Variants in DUSP28 observed in about 807,000 individuals in gnomAD.
DUSP28 encodes dual specificity phosphatase 28.
In DUSP28, 11 loss-of-function variants were observed where a neutral mutation model predicts 8.4. The observed-to-expected ratio is 1.31, with a 90% confidence interval of 0.83 to 2.17. The LOEUF (loss-of-function observed/expected upper bound fraction) is 2.17. DUSP28 is among the 30% of genes most tolerant of loss of function. The pLI, the probability that DUSP28 is intolerant of heterozygous loss-of-function variation, is 0.00. For synonymous variants in DUSP28, 178 were observed against 130.9 expected, an observed-to-expected ratio of 1.36 and a Z score of -2.46; for missense variants, 373 against 270.4, an observed-to-expected ratio of 1.38 and a Z score of -2.66.
rs2092996999 is a variant in DUSP28, at chr2:240,564,733, G to A, written c.*3266G>A. Among the ~76,000 whole-genome samples, 1 of 152,214 alleles carries A rather than the reference G, an allele frequency of 6.6e-6. No homozygotes were observed. The highest frequency in any genetic ancestry group is 2.1e-4 in the South Asian group (1 of 4,836). ...CAGCAGAGCCTCCTGCCCACCAGCT[G>A]CTGAAGCCACAGTACATCTCCTTCC... is the stretch of plus-strand genomic sequence containing the variant. On this transcript the variant is annotated 3_prime_UTR_variant, in exon 2 of 2. Transcript: ENST00000405954.
In DUSP28 at chr2:240,565,076, A is replaced by T. The variant is rs1054445556; in HGVS notation, c.*3609A>T. 7.2e-5 allele frequency among the ~76,000 whole-genome samples: 11 copies of T among 152,342 alleles called. No individual in the cohort carries two copies. Among genetic ancestry groups the T allele is most frequent in the Non-Finnish European group, 1.5e-4 (10 of 68,032 alleles). On this transcript the variant is annotated 3_prime_UTR_variant, in exon 2 of 2. Transcript: ENST00000405954. Reference sequence around the variant, plus strand: ...CTAGTTCAGACACCACCTCTCCTGGACATCCTGTGGCCTAAAGACTATCCT... The same window carrying T: ...CTAGTTCAGACACCACCTCTCCTGGTCATCCTGTGGCCTAAAGACTATCCT...
chr2:240,561,347 C>T lies in DUSP28; in HGVS notation c.411C>T (p.Arg137=), dbSNP rs373547730. The T allele has an allele frequency of 3.1e-6, 5 of 1,613,854 alleles. No individual in the cohort carries two copies. Among genetic ancestry groups the T allele is most frequent in the Non-Finnish European group, 4.2e-6 (5 of 1,180,022 alleles). ...GTTTGCAGATGGTGAAGAGCGCTCG[C>T]CCGGTAGCAGAACCGAACCCGGGCT... The part of the protein sequence containing the change: ...AKAFQMVKSA[R]PVAEPNPGFW... Residue 137 remains arginine (R), a synonymous_variant, in exon 2 of 2, where the codon CGC becomes CGT. Transcript: ENST00000405954.
At position 240,560,726 on chromosome 2, in the gene DUSP28, C is replaced by T. The variant is rs747476568; in HGVS notation, c.42C>T (p.Pro14=). ...AEAGRRGAAS[P]VPPPLVRVAP... ...CTGGGCGCCGCGGGGCCGCCTCGCCCGTACCTCCACCGTTGGTGCGCGTCG... is the reference window on the plus strand; with the variant it reads ...CTGGGCGCCGCGGGGCCGCCTCGCCTGTACCTCCACCGTTGGTGCGCGTCG... The change falls in exon 1 of 2, where the codon CCC becomes CCT. Residue 14 remains proline, a synonymous_variant. Transcript: ENST00000405954. 3.0e-5 allele frequency: 46 copies of T among 1,522,812 alleles called. No homozygotes were observed. The Admixed American group carries it at 3.4e-4, about 11-fold the overall frequency. The allele number at this position is 1,522,812 out of a possible 1,614,324, so 94.3% of individuals were successfully genotyped here.
intron 1 of DUSP28, 47 bp from the exon 2 acceptor site, chr2:240,561,282 TG>T (rs747761128): frequency 4.1e-5 from 66 of 1,612,422 alleles, no homozygotes; most frequent in Admixed American, 5.0e-5. Flanking sequence ...TGGCCCCTGC[TG>T]GCCATTAGCG....
chr2:240,563,835 G>A lies in DUSP28; in HGVS notation c.*2368G>A, dbSNP rs1247892623. The A allele has an allele frequency of 6.6e-6, 1 of 152,384 alleles. No individual in the cohort carries two copies. Among genetic ancestry groups the A allele is most frequent in the Non-Finnish European group, 1.5e-5 (1 of 68,044 alleles). 9.4% of individuals were successfully genotyped at this position (152,384 alleles called of 1,614,324 possible). A position where few individuals can be genotyped will look rare whatever the true frequency, so the allele number is the denominator to read the frequency against. ...CTCTTTCCACTTAAACGTGTCCCAT[G>A]AATCTTGTCATAACAGTTTTGTGTT... is the stretch of plus-strand genomic sequence containing the variant. On this transcript the variant is annotated 3_prime_UTR_variant, in exon 2 of 2. Coordinates refer to ENST00000405954, the MANE Select transcript of DUSP28 (RefSeq NM_001370465.2).
rs778765341 is a variant in DUSP28, at chr2:240,561,379, C to G, written c.443C>G (p.Ser148Cys). The G allele has an allele frequency of 3.7e-6, 6 of 1,613,838 alleles. No individual in the cohort carries two copies. Among genetic ancestry groups the G allele is most frequent in the Middle Eastern group, 1.7e-4 (1 of 6,042 alleles). Residue 148 changes from serine to cysteine, a missense_variant, in exon 2 of 2, where the codon TCT (serine) becomes TGT (cysteine). Ser to Cys is a moderately radical substitution (Grantham distance 112). Coordinates refer to ENST00000405954, the MANE Select transcript of DUSP28 (RefSeq NM_001370465.2). The stretch of plus-strand genomic sequence containing the variant: ...GCAGAACCGAACCCGGGCTTCTGGT[C>G]TCAGCTCCAGAAGTATGAGGAGGCC... ...PVAEPNPGFW[S>C]QLQKYEEALQ...
intron 1 of DUSP28, 121 bp downstream of exon 1, chr2:240,561,198 G>T (rs2092945561): frequency 6.6e-7 from 1 of 1,516,372 alleles, no homozygotes. Context: ...GGTCTCTCTC[G>T]TGAGGGCGGG....
Position 240,561,058 on chromosome 2 carries a change from G to A in DUSP28, c.374G>A (p.Ser125Asn), listed in dbSNP as rs889680518. 5 of 1,497,902 alleles carry A rather than the reference G, an allele frequency of 3.3e-6. No individual in the cohort carries two copies. The highest frequency in any genetic ancestry group is 2.4e-5 in the Admixed American group (1 of 42,198). The allele number at this position is 1,497,902 out of a possible 1,614,324, so 92.8% of individuals were successfully genotyped here. A position where few individuals can be genotyped will look rare whatever the true frequency, so the allele number is the denominator to read the frequency against. ...TACCTCATGCGGCACCGCGGCCTCAGCCTGGCGAAGGCCTTCCAGGTGGGC... is the reference window on the plus strand; with the variant it reads ...TACCTCATGCGGCACCGCGGCCTCAACCTGGCGAAGGCCTTCCAGGTGGGC... Reference protein sequence around the residue: ...TAYLMRHRGLSLAKAFQMVKS... With the variant: ...TAYLMRHRGLNLAKAFQMVKS... The change falls in exon 1 of 2, where the codon AGC becomes AAC. Residue 125 changes from serine to asparagine, a missense_variant. Coordinates refer to ENST00000405954, the MANE Select transcript of DUSP28 (RefSeq NM_001370465.2).
At chr2:240,561,156 C>T (rs1036393246) in intron 1 of DUSP28, 79 bp downstream of exon 1, 2 of 1,463,898 alleles carry the variant, frequency 1.4e-6, no homozygotes, top group Non-Finnish European at 9.0e-7. Flanking sequence ...GGGCCGGCTT[C>T]GGGATTGGGA....
Position 240,561,025 on chromosome 2 carries a change from G to A in DUSP28, c.341G>A (p.Cys114Tyr), listed in dbSNP as rs757425889. 10 of 1,536,506 alleles carry A rather than the reference G, an allele frequency of 6.5e-6. No homozygotes were observed. In the East Asian group the frequency reaches 1.4e-4, roughly 22 times the overall value. ...KNGRSRSAAV[C>Y]TAYLMRHRGL... Reference sequence around the variant, plus strand: ...GGCCGCAGCCGCTCGGCCGCCGTCTGCACCGCGTACCTCATGCGGCACCGC... The same window carrying A: ...GGCCGCAGCCGCTCGGCCGCCGTCTACACCGCGTACCTCATGCGGCACCGC... Residue 114 changes from cysteine to tyrosine, a missense_variant, in exon 1 of 2, where the codon TGC (cysteine) becomes TAC (tyrosine). Coordinates refer to ENST00000405954, the MANE Select transcript of DUSP28 (RefSeq NM_001370465.2).
Position 240,561,520 on chromosome 2 carries a change from G to C in DUSP28, c.*53G>C. ...GGATGTCCCTGCACTGATACAGAAG[G>C]CTGGTCTTTACCCTTCTTCCTCACT... On this transcript the variant is annotated 3_prime_UTR_variant, in exon 2 of 2. Coordinates refer to ENST00000405954, the MANE Select transcript of DUSP28 (RefSeq NM_001370465.2). 6.4e-7 allele frequency: 1 copy of C among 1,562,884 alleles called. No homozygotes were observed. The highest frequency in any genetic ancestry group is 2.3e-5 in the East Asian group (1 of 43,904).
chr2:240,561,051 G>T lies in DUSP28; in HGVS notation c.367G>T (p.Gly123Cys). Residue 123 changes from glycine (G) to cysteine (C), a missense_variant, in exon 1 of 2, where the codon GGC becomes TGC. By Grantham distance (159) the Gly-to-Cys change is radical. Coordinates refer to ENST00000405954, the MANE Select transcript of DUSP28 (RefSeq NM_001370465.2). ...CACCGCGTACCTCATGCGGCACCGC[G>T]GCCTCAGCCTGGCGAAGGCCTTCCA... Reference protein sequence around the residue: ...VCTAYLMRHRGLSLAKAFQMV... With the variant: ...VCTAYLMRHRCLSLAKAFQMV... The T allele has an allele frequency of 6.6e-7, 1 of 1,504,484 alleles. No individual in the cohort carries two copies. Among genetic ancestry groups the T allele is most frequent in the South Asian group, 1.3e-5 (1 of 79,204 alleles). 93.2% of individuals were successfully genotyped at this position (1,504,484 alleles called of 1,614,324 possible). A position where few individuals can be genotyped will look rare whatever the true frequency, so the allele number is the denominator to read the frequency against.
Position 240,560,635 on chromosome 2 carries a change from C to A in DUSP28, c.-50C>A. 1 of 1,432,690 alleles carries A rather than the reference C, an allele frequency of 7.0e-7. No homozygotes were observed. Among genetic ancestry groups the A allele is most frequent in the Non-Finnish European group, 9.1e-7 (1 of 1,102,512 alleles). 88.7% of individuals were successfully genotyped at this position (1,432,690 alleles called of 1,614,324 possible). A position where few individuals can be genotyped will look rare whatever the true frequency, so the allele number is the denominator to read the frequency against. On this transcript the variant is annotated 5_prime_UTR_variant, in exon 1 of 2. Coordinates refer to ENST00000405954, the MANE Select transcript of DUSP28 (RefSeq NM_001370465.2). Reference sequence around the variant, plus strand: ...ATAGACTCCTGGGCGGGCGCCTGAGCCCCCAAAATAGATCCTCAGGGCCCA... The same window carrying A: ...ATAGACTCCTGGGCGGGCGCCTGAGACCCCAAAATAGATCCTCAGGGCCCA...
At position 240,561,501 on chromosome 2, in the gene DUSP28, C is replaced by G; in HGVS notation, c.*34C>G. 2 of 1,588,814 alleles carry G rather than the reference C, an allele frequency of 1.3e-6. No individual in the cohort carries two copies. The highest frequency in any genetic ancestry group is 2.2e-5 in the South Asian group (2 of 89,764). On this transcript the variant is annotated 3_prime_UTR_variant, in exon 2 of 2. Coordinates refer to ENST00000405954, the MANE Select transcript of DUSP28 (RefSeq NM_001370465.2). ...GGCCTGCTGCCTGGAGGAAGGATGT[C>G]CCTGCACTGATACAGAAGGCTGGTC...
rs1342164864 is a variant in DUSP28, at chr2:240,565,145, A to G, written c.*3678A>G. Among the ~76,000 whole-genome samples, 1 of 152,222 alleles carries G rather than the reference A, an allele frequency of 6.6e-6. No individual in the cohort carries two copies. The highest frequency in any genetic ancestry group is 1.5e-5 in the Non-Finnish European group (1 of 68,036). The stretch of plus-strand genomic sequence containing the variant: ...ATAGGAGTGGGGAAAGAAAAGGAAA[A>G]TGTGTGTAATACATGTGAATCACAG... On this transcript the variant is annotated 3_prime_UTR_variant, in exon 2 of 2. Coordinates refer to ENST00000405954, the MANE Select transcript of DUSP28 (RefSeq NM_001370465.2).
rs2092980533 is a variant in DUSP28 at position 240,562,457 on chromosome 2, A to G, written c.*990A>G. 1 of 152,246 alleles carries G rather than the reference A, an allele frequency of 6.6e-6. No individual in the cohort carries two copies. The highest frequency in any genetic ancestry group is 1.5e-5 in the Non-Finnish European group (1 of 68,050). The allele number at this position is 152,246 out of a possible 1,614,324, so 9.4% of individuals were successfully genotyped here. On this transcript the variant is annotated 3_prime_UTR_variant, in exon 2 of 2. Transcript: ENST00000405954. ...AGTGATTTTTTCACCCATGGCTTCT[A>G]CGGTGACAGAGTATGGTGTTCCTGT...
Position 240,560,842 on chromosome 2 carries a change from G to A in DUSP28, c.158G>A (p.Arg53His). 7.2e-7 allele frequency: 1 copy of A among 1,398,240 alleles called. No individual in the cohort carries two copies. Among genetic ancestry groups the A allele is most frequent in the Non-Finnish European group, 9.2e-7 (1 of 1,085,674 alleles). 86.6% of individuals were successfully genotyped at this position (1,398,240 alleles called of 1,614,324 possible). A position where few individuals can be genotyped will look rare whatever the true frequency, so the allele number is the denominator to read the frequency against. Residue 53 changes from arginine to histidine, a missense_variant, in exon 1 of 2, where the codon CGC becomes CAC. Coordinates refer to ENST00000405954, the MANE Select transcript of DUSP28 (RefSeq NM_001370465.2). ...AGVTLCVNVS[R>H]QQPGPRAPGV... ...GTCACGCTGTGCGTCAACGTCTCCC[G>A]CCAGCAGCCCGGCCCGCGCGCGCCC...
In DUSP28 at chr2:240,560,971, G is replaced by C; in HGVS notation, c.287G>C (p.Gly96Ala). 6.6e-7 allele frequency: 1 copy of C among 1,518,226 alleles called. No homozygotes were observed. Among genetic ancestry groups the C allele is most frequent in the Non-Finnish European group, 8.7e-7 (1 of 1,146,042 alleles). The allele number at this position is 1,518,226 out of a possible 1,614,324, so 94.0% of individuals were successfully genotyped here. The change falls in exon 1 of 2, where the codon GGC (glycine) becomes GCC (alanine). Residue 96 changes from glycine (G) to alanine (A), a missense_variant. By Grantham distance (60) the Gly-to-Ala change is moderately conservative (BLOSUM62 0). Coordinates refer to ENST00000405954, the MANE Select transcript of DUSP28 (RefSeq NM_001370465.2). Reference protein sequence around the residue: ...CAAMEAAVRAGGACLVYCKNG... With the variant: ...CAAMEAAVRAAGACLVYCKNG... Reference sequence around the variant, plus strand: ...GCCATGGAGGCCGCGGTGCGCGCCGGCGGCGCCTGCCTAGTCTACTGCAAG... The same window carrying C: ...GCCATGGAGGCCGCGGTGCGCGCCGCCGGCGCCTGCCTAGTCTACTGCAAG...
At position 240,560,655 on chromosome 2, in the gene DUSP28, G is replaced by A. The variant is rs1013706070; in HGVS notation, c.-30G>A. On this transcript the variant is annotated 5_prime_UTR_variant, in exon 1 of 2. Transcript: ENST00000405954. The stretch of plus-strand genomic sequence containing the variant: ...CTGAGCCCCCAAAATAGATCCTCAG[G>A]GCCCAAAAGCAGACTCTTCGGCGGG... 1 of 1,479,686 alleles carries A rather than the reference G, an allele frequency of 6.8e-7. No individual in the cohort carries two copies. Among genetic ancestry groups the A allele is most frequent in the East Asian group, 2.7e-5 (1 of 36,578 alleles). 91.7% of individuals were successfully genotyped at this position (1,479,686 alleles called of 1,614,324 possible).
Sources: gnomAD v4.1 joint callset for allele counts (sites outside exome capture counted in the v4.1 genomes callset) on GRCh38, gnomAD v4.1.1 for gene constraint, MANE v1.5 for transcripts, NCBI Gene and HGNC (gene_info 2026-07-23, HGNC 2026-07-21) for gene names.